The following SLC38A12 variants were observed in gnomAD, a reference collection of about 807,000 sequenced individuals.
The protein encoded by SLC38A12 is solute carrier family 38 member 12, also known as putative sodium-coupled neutral amino acid transporter 12.
chr17:74,806,573 C>T, the SLC38A12 span, among the ~76,000 whole-genome samples: 1 of 152,188 alleles, frequency 6.6e-6, no homozygotes, highest in Non-Finnish European at 1.5e-5. Context: ...GGTTTTCATG[C>T]TCTTCAGAGC....
the SLC38A12 span, among the ~76,000 whole-genome samples, chr17:74,834,400 A>G: frequency 6.6e-6 from 1 of 151,632 alleles, no homozygotes; most frequent in Admixed American, 6.6e-5. Flanking sequence ...TTTACCGGCA[A>G]TTTTCTCAGG....
chr17:74,816,280 A>C, the SLC38A12 span, among the ~76,000 whole-genome samples: 1 of 152,200 alleles, frequency 6.6e-6, no homozygotes, highest in African/African-American at 2.4e-5. Flanking sequence ...GAAGCCCCCC[A>C]GTTTGTGGTC....
chr17:74,795,073 T>C, the SLC38A12 span: 1 of 1,614,210 alleles, frequency 6.2e-7, no homozygotes, highest in Admixed American at 1.7e-5. Flanking sequence ...TCGCCATCTA[T>C]GCTGCTGCCG....
chr17:74,824,191 T>C, the SLC38A12 span, among the ~76,000 whole-genome samples: 2 of 152,300 alleles, frequency 1.3e-5, no homozygotes, highest in East Asian at 1.9e-4. Context: ...ACATCCCAGC[T>C]GTGGTGCGTG....
chr17:74,777,513 G>A, the SLC38A12 span: 1 of 1,542,214 alleles, frequency 6.5e-7, no homozygotes, highest in Non-Finnish European at 8.8e-7. Context: ...GGAGTTCCAT[G>A]GGGCAGCGAC....
the SLC38A12 span, among the ~76,000 whole-genome samples, chr17:74,803,798 C>G: frequency 6.6e-6 from 1 of 152,204 alleles, no homozygotes; most frequent in African/African-American, 2.4e-5. Context: ...CCCGCTGCTT[C>G]CAGAACTCCC....
chr17:74,819,794 C>T, the SLC38A12 span: 1 of 1,614,258 alleles, frequency 6.2e-7, no homozygotes, highest in South Asian at 1.1e-5. Context: ...TCTTTGACGT[C>T]CAGAAGACCA....
At chr17:74,777,976 G>A in the SLC38A12 span, among the ~76,000 whole-genome samples, 1 of 152,238 alleles carries the variant, frequency 6.6e-6, no homozygotes, top group East Asian at 1.9e-4. Flanking sequence ...CTGCCCTTCA[G>A]ATGAACAGTG....
At chr17:74,777,605 A>G in the SLC38A12 span, 1 of 1,497,866 alleles carries the variant, frequency 6.7e-7, no homozygotes, top group Non-Finnish European at 8.9e-7. Context: ...CAAGCCAAAC[A>G]AAATCGCCAT....
the SLC38A12 span, among the ~76,000 whole-genome samples, chr17:74,826,390 A>G: frequency 1.3e-5 from 2 of 152,214 alleles, no homozygotes; most frequent in Admixed American, 6.5e-5. Context: ...ACCTCGTCCT[A>G]TAAAGCTGCT....
chr17:74,836,008 C>CA, the SLC38A12 span: 1 of 1,611,898 alleles, frequency 6.2e-7, no homozygotes, highest in Non-Finnish European at 8.5e-7. This position sits in a 1 kb window ranked among gnomAD's most constrained non-coding sequence, Gnocchi z 4.2. Context: ...GCTGACTTCT[C>CA]GGGGGTCCGG....
the SLC38A12 span, chr17:74,790,227 G>A: frequency 1.2e-6 from 2 of 1,614,064 alleles, no homozygotes; most frequent in South Asian, 2.2e-5. Flanking sequence ...CTCCTCCACA[G>A]CCTCAGACAG....
the SLC38A12 span, among the ~76,000 whole-genome samples, chr17:74,825,817 G>T: frequency 6.6e-6 from 1 of 152,172 alleles, no homozygotes; most frequent in East Asian, 1.9e-4. Context: ...TCACGTGGGA[G>T]GGTGAGTCTT....
chr17:74,790,186 C>T, the SLC38A12 span: 1 of 1,608,162 alleles, frequency 6.2e-7, no homozygotes, highest in Non-Finnish European at 8.5e-7. Flanking sequence ...CTCGTCCATC[C>T]TACTGGCTCC....
chr17:74,810,787 C>T, the SLC38A12 span, among the ~76,000 whole-genome samples: 3 of 152,230 alleles, frequency 2.0e-5, no homozygotes, highest in Admixed American at 6.5e-5. Flanking sequence ...AGAATTCGGA[C>T]GACCTCCTCT....
chr17:74,795,548 C>T, the SLC38A12 span: 32 of 1,614,070 alleles, frequency 2.0e-5, no homozygotes, highest in Admixed American at 1.2e-4. Context: ...ATGACTCCTG[C>T]GGTGTGGAAG....
At chr17:74,786,530 G>A in the SLC38A12 span, among the ~76,000 whole-genome samples, 1 of 152,200 alleles carries the variant, frequency 6.6e-6, no homozygotes, top group Non-Finnish European at 1.5e-5. Flanking sequence ...GAGCCGGAAG[G>A]CAGTGAGTGC....
chr17:74,838,605 C>T, the SLC38A12 span: 24 of 1,316,440 alleles, frequency 1.8e-5, no homozygotes, highest in South Asian at 3.5e-4. Flanking sequence ...CAGCAGTGAC[C>T]ACATCGCTGA....
At chr17:74,785,644 G>A in the SLC38A12 span, 1 of 1,598,592 alleles carries the variant, frequency 6.3e-7, no homozygotes, top group Admixed American at 1.7e-5. Flanking sequence ...GCCAGGAGTG[G>A]AGCAGGAGGG....
Sources: allele counts gnomAD v4.1 joint callset (sites outside exome capture counted in the v4.1 genomes callset), GRCh38; gene constraint gnomAD v4.1.1; non-coding constraint Gnocchi (gnomAD v3.1); transcripts MANE v1.5; gene names NCBI Gene and HGNC (gene_info 2026-07-23, HGNC 2026-07-21).